G3BP2: variants seen among roughly 807,000 people sequenced by gnomAD.
G3BP2 encodes the protein G3BP stress granule assembly factor 2, also known as ras GTPase-activating protein-binding protein 2.
A neutral mutation model predicts 56.7 loss-of-function variants in G3BP2; 11 were observed. That is an observed-to-expected ratio of 0.19 (90% CI 0.12 to 0.32). G3BP2 has a LOEUF of 0.32. G3BP2 is among the 10% of genes least tolerant of loss of function. The probability of loss-of-function intolerance (pLI) is 1.00; values close to 1 mark genes in which losing one functional copy is unlikely to be tolerated. For missense variants in G3BP2, 340 were observed against 610.9 expected (o/e 0.56, Z 4.67); for synonymous variants, 165 against 191.6 (o/e 0.86, Z 1.15).
intron 3 of G3BP2, among the ~76,000 whole-genome samples, chr4:75,693,101 G>A (rs532912519): frequency 3.9e-5 from 6 of 152,156 alleles, no homozygotes; most frequent in East Asian, 1.9e-4. Context: ...AAAATTAGAC[G>A]GGTGTGGTGG....
intron 7 of G3BP2, 83 bp downstream of exon 7, chr4:75,654,983 A>C (rs570815215): frequency 3.5e-6 from 3 of 849,508 alleles, no homozygotes. Context: ...ACAATTTAAC[A>C]TAATAGAAAA....
chr4:75,658,614 C>T (rs1732298088), intron 3 of G3BP2, among the ~76,000 whole-genome samples: 1 of 151,734 alleles, frequency 6.6e-6, no homozygotes, highest in African/African-American at 2.4e-5. Flanking sequence ...GTAATCTCAG[C>T]TACTTGGGAG....
Position 75,665,634 on chromosome 4 carries a change from CACACACACAA to C in G3BP2, c.-24-3595_-24-3586del, listed in dbSNP as rs754478591. Among the ~76,000 whole-genome samples, 307 of 49,080 alleles carry C rather than the reference CACACACACAA, an allele frequency of 6.3e-3. 4 individuals carry two copies. The highest frequency in any genetic ancestry group is 0.016 in the African/African-American group (291 of 18,408). The allele number at this position is 49,080 out of a possible 152,430, so 32.2% of individuals were successfully genotyped here. ...GTAGTCACAAACACACAAACACACA[CACACACACAA>C]ACACACAAACAAACACACACACACA... On this transcript the variant is annotated intron_variant, in intron 1 of 11. Transcript: ENST00000359707.
At chr4:75,676,613 TTC>T (rs908295911), upstream of G3BP2, among the ~76,000 whole-genome samples, 7 of 152,132 alleles carry the variant, frequency 4.6e-5, no homozygotes, top group Admixed American at 4.6e-4. Flanking sequence ...GTCAATACAT[TTC>T]TGTTCCCTCT....
chr4:75,673,103 G>A (rs565091207), intron 1 of G3BP2, 105 bp downstream of exon 1: 16 of 1,060,078 alleles, frequency 1.5e-5, no homozygotes, highest in Non-Finnish European at 1.7e-5. Context: ...TACACCTCCG[G>A]CTCCCGGGCT....
intron 3 of G3BP2, among the ~76,000 whole-genome samples, chr4:75,686,466 G>A (rs1173545129): frequency 6.6e-6 from 1 of 151,784 alleles, no homozygotes; most frequent in Non-Finnish European, 1.5e-5. Context: ...GCTGAGTCTT[G>A]AAGGTGGTGG....
At chr4:75,709,846 G>GT (rs11435141) in intron 3 of G3BP2, among the ~76,000 whole-genome samples, 49,785 of 151,660 alleles carry the variant, frequency 0.33, 9,293 homozygotes, top group African/African-American at 0.51. Context: ...AAATAATGCA[G>GT]TTTTTTACAG....
At chr4:75,673,459 A>G, upstream of G3BP2, 1 of 1,230,750 alleles carries the variant, frequency 8.1e-7, no homozygotes, top group Non-Finnish European at 1.0e-6. Flanking sequence ...ACCCCTGCCG[A>G]AAGGGCCAGG....
intron 4 of G3BP2, 42 bp from the exon 5 acceptor site, chr4:75,657,056 G>A: frequency 3.6e-6 from 3 of 841,054 alleles, no homozygotes; most frequent in South Asian, 1.6e-5. Flanking sequence ...CCAGAAATCT[G>A]GTATTATATA....
upstream of G3BP2, chr4:75,673,461 A>G: frequency 8.1e-7 from 1 of 1,232,084 alleles, no homozygotes; most frequent in Non-Finnish European, 1.0e-6. Flanking sequence ...CCCTGCCGAA[A>G]GGGCCAGGGA....
chr4:75,673,638 AT>A (rs1336308194), upstream of G3BP2: 3 of 1,230,108 alleles, frequency 2.4e-6, no homozygotes, highest in African/African-American at 3.1e-5. Context: ...GAGTCCGCTG[AT>A]TTGACGTCAC....
upstream of G3BP2, among the ~76,000 whole-genome samples, chr4:75,676,941 TC>T (rs200893620): frequency 0.01 from 1,579 of 152,336 alleles, 12 homozygotes; most frequent in Non-Finnish European, 0.016. Flanking sequence ...AGCCAGCTCT[TC>T]CTTTGACATT....
chr4:75,652,140 T>TA (rs1447711889), intron 8 of G3BP2, among the ~76,000 whole-genome samples: 7 of 152,212 alleles, frequency 4.6e-5, no homozygotes, highest in African/African-American at 1.2e-4. Context: ...AGGGGTGGCA[T>TA]AGGAAATACA....
chr4:75,682,480 G>C (rs1362409715), intron 3 of G3BP2, among the ~76,000 whole-genome samples: 1 of 151,800 alleles, frequency 6.6e-6, no homozygotes, highest in Non-Finnish European at 1.5e-5. Flanking sequence ...TTTTTGGATA[G>C]CAGTTGAACA....
At chr4:75,690,997 G>A (rs763835931) in intron 3 of G3BP2, among the ~76,000 whole-genome samples, 4 of 151,966 alleles carry the variant, frequency 2.6e-5, no homozygotes, top group South Asian at 2.1e-4. Flanking sequence ...GCTCAGTGTC[G>A]TTCACTGGTC....
rs540276906 is a variant in G3BP2, at chr4:75,643,904, A to C, written c.*1526T>G. 6.5e-6 allele frequency: 1 copy of C among 152,762 alleles called. No homozygotes were observed. Among genetic ancestry groups the C allele is most frequent in the East Asian group, 1.9e-4 (1 of 5,184 alleles). 9.5% of individuals were successfully genotyped at this position (152,762 alleles called of 1,614,324 possible). ...TTGTGGTTTACTGGAACTTGCTATA[A>C]AGACAGACAATAATCCAGCAGCTAC... On this transcript the variant is annotated 3_prime_UTR_variant, in exon 12 of 12. Transcript: ENST00000359707.
intron 3 of G3BP2, among the ~76,000 whole-genome samples, chr4:75,691,588 C>T (rs1718860068): frequency 6.6e-6 from 1 of 152,100 alleles, no homozygotes; most frequent in African/African-American, 2.4e-5. Flanking sequence ...CCACCCCCGA[C>T]CTCCACCTAT....
intron 8 of G3BP2, among the ~76,000 whole-genome samples, chr4:75,649,416 T>C (rs780463219): frequency 2.5e-4 from 38 of 152,208 alleles, no homozygotes; most frequent in Admixed American, 8.5e-4. Context: ...ATTTGAAGTA[T>C]TGGTCCCAAC....
At chr4:75,683,566 TA>T (rs879652627) in intron 3 of G3BP2, among the ~76,000 whole-genome samples, 277 of 143,394 alleles carry the variant, frequency 1.9e-3, no homozygotes, top group Middle Eastern at 3.5e-3. Flanking sequence ...CCATCTCAAT[TA>T]AAAAAAAAAA....
Sources: gnomAD v4.1 joint callset for allele counts (sites outside exome capture counted in the v4.1 genomes callset) on GRCh38, gnomAD v4.1.1 for gene constraint, MANE v1.5 for transcripts, NCBI Gene and HGNC (gene_info 2026-07-23, HGNC 2026-07-21) for gene names.